Variants in CDH12 observed in about 807,000 individuals in gnomAD.
CDH12 encodes the protein cadherin 12.
In CDH12, 41 loss-of-function variants were observed where a neutral mutation model predicts 74.1. The ratio of observed to expected loss-of-function variants is 0.55; its 90% CI spans 0.43 to 0.72. CDH12 has a LOEUF of 0.72. CDH12 is among the 30% of genes least tolerant of loss of function. The pLI is 0.00. For synonymous variants in CDH12, 399 were observed against 355.0 expected (o/e 1.12, Z -1.39); for missense variants, 945 against 977.2 (o/e 0.97, Z 0.44).
Position 21,806,283 on chromosome 5 carries a change from T to A in CDH12, c.1003-3863A>T, listed in dbSNP as rs935868381. Among the ~76,000 whole-genome samples the A allele has an allele frequency of 2.3e-4, 35 of 152,158 alleles. 1 individual carries two copies. Among genetic ancestry groups the A allele is most frequent in the African/African-American group, 7.2e-4 (30 of 41,452 alleles). On this transcript the variant is annotated intron_variant, in intron 9 of 14. Transcript: ENST00000382254. ...TATCTTTTGTGGGAGAAAAATTGCATCTGTAAGGAATTCCCATTAACGTGG... is the reference window on the plus strand; with the variant it reads ...TATCTTTTGTGGGAGAAAAATTGCAACTGTAAGGAATTCCCATTAACGTGG...
chr5:22,750,965 G>C (rs1745541478), intron 1 of CDH12, among the ~76,000 whole-genome samples: 1 of 148,700 alleles, frequency 6.7e-6, no homozygotes, highest in Admixed American at 6.7e-5. Context: ...GAAAAAATGA[G>C]AACAAGGTTT....
intron 5 of CDH12, among the ~76,000 whole-genome samples, chr5:22,039,976 C>T (rs1739453970): frequency 6.7e-6 from 1 of 149,320 alleles, no homozygotes; most frequent in African/African-American, 2.5e-5. Flanking sequence ...CAGTAATAGG[C>T]CGCAAAGAAA....
At chr5:22,559,982 C>G (rs539507162) in intron 1 of CDH12, among the ~76,000 whole-genome samples, 2 of 152,074 alleles carry the variant, frequency 1.3e-5, no homozygotes, top group African/African-American at 2.4e-5. Context: ...TTAAGTGGAG[C>G]CTTTGAGATT....
chr5:22,605,181 G>A (rs966324865), intron 1 of CDH12, among the ~76,000 whole-genome samples: 17 of 152,298 alleles, frequency 1.1e-4, no homozygotes, highest in African/African-American at 3.6e-4. Flanking sequence ...CATCCATCAG[G>A]CTGGCTTTGG....
chr5:21,763,472 C>T (rs1744839077), intron 12 of CDH12, among the ~76,000 whole-genome samples: 1 of 152,150 alleles, frequency 6.6e-6, no homozygotes, highest in East Asian at 1.9e-4. Context: ...GATTAAATAA[C>T]GACTTTTTTC....
At chr5:21,820,547 T>C (rs4388177) in intron 8 of CDH12, among the ~76,000 whole-genome samples, 36,813 of 151,894 alleles carry the variant, frequency 0.24, 5,077 homozygotes, top group East Asian at 0.41. Flanking sequence ...ACAGCAGACA[T>C]ACATTTTAGT....
intron 2 of CDH12, among the ~76,000 whole-genome samples, chr5:22,504,962 T>C (rs1235129569): frequency 1.3e-5 from 2 of 151,868 alleles, no homozygotes; most frequent in Non-Finnish European, 2.9e-5. Flanking sequence ...AGGAGGAACA[T>C]AGTCATTAGA....
intron 7 of CDH12, among the ~76,000 whole-genome samples, chr5:21,853,637 CTT>C (rs1317866587): frequency 2.6e-5 from 4 of 151,594 alleles, no homozygotes; most frequent in Non-Finnish European, 5.9e-5. Flanking sequence ...TGTTAATTAA[CTT>C]ATATCTAATT....
chr5:22,661,762 G>C (rs963982080), intron 1 of CDH12, among the ~76,000 whole-genome samples: 6 of 152,104 alleles, frequency 3.9e-5, no homozygotes, highest in African/African-American at 1.4e-4. Flanking sequence ...GCCATTTACT[G>C]TAAGAAAGCT....
At chr5:22,222,668 T>G (rs1752060553) in intron 3 of CDH12, among the ~76,000 whole-genome samples, 1 of 151,858 alleles carries the variant, frequency 6.6e-6, no homozygotes, top group African/African-American at 2.4e-5. Context: ...AATTTATATC[T>G]TCATTTATAA....
chr5:22,738,492 G>A (rs535940189), intron 1 of CDH12, among the ~76,000 whole-genome samples: 3 of 152,116 alleles, frequency 2.0e-5, no homozygotes, highest in East Asian at 1.9e-4. Flanking sequence ...CAATGGTGAC[G>A]AAGAGCAAGC....
intron 6 of CDH12, among the ~76,000 whole-genome samples, chr5:21,855,085 C>G (rs1015251145): frequency 6.6e-6 from 1 of 151,666 alleles, no homozygotes; most frequent in East Asian, 1.9e-4. Flanking sequence ...CCAAAGAAAG[C>G]ATGGACACCA....
intron 2 of CDH12, among the ~76,000 whole-genome samples, chr5:22,440,718 C>T (rs1286174104): frequency 1.3e-5 from 2 of 152,060 alleles, no homozygotes; most frequent in Non-Finnish European, 2.9e-5. Flanking sequence ...ACTGGCCATT[C>T]TCACATCACC....
intron 1 of CDH12, among the ~76,000 whole-genome samples, chr5:22,643,733 C>CTT (rs762944279): frequency 0.013 from 643 of 51,206 alleles, 135 homozygotes; most frequent in East Asian, 0.075. Context: ...TTTAAGGTAT[C>CTT]TTTTTTTTTT....
chr5:22,701,569 A>G (rs1742715952), intron 1 of CDH12, among the ~76,000 whole-genome samples: 3 of 152,174 alleles, frequency 2.0e-5, no homozygotes, highest in African/African-American at 7.2e-5. Flanking sequence ...CATTCTCCCT[A>G]AGTAAGATCT....
chr5:22,553,099 G>T (rs1738648400), intron 1 of CDH12, among the ~76,000 whole-genome samples: 1 of 151,960 alleles, frequency 6.6e-6, no homozygotes, highest in Admixed American at 6.6e-5. Context: ...AGATAAATAA[G>T]GGAATGTTTT....
chr5:22,462,634 A>C (rs1436710828), intron 2 of CDH12, among the ~76,000 whole-genome samples: 3 of 152,154 alleles, frequency 2.0e-5, no homozygotes, highest in African/African-American at 7.2e-5. Context: ...GTAACATGAA[A>C]ATTGAAGTAG....
At chr5:22,098,712 T>C (rs570849841) in intron 4 of CDH12, among the ~76,000 whole-genome samples, 3 of 152,280 alleles carry the variant, frequency 2.0e-5, no homozygotes, top group South Asian at 4.2e-4. Flanking sequence ...ACATTATTCC[T>C]GATACCACAC....
intron 1 of CDH12, among the ~76,000 whole-genome samples, chr5:22,779,187 T>C (rs1747263795): frequency 1.3e-5 from 2 of 151,976 alleles, no homozygotes; most frequent in African/African-American, 4.8e-5. Context: ...CCTTCGGCAA[T>C]AGCACTTTGA....
Sources: allele counts gnomAD v4.1 joint callset (sites outside exome capture counted in the v4.1 genomes callset), GRCh38; gene constraint gnomAD v4.1.1; transcripts MANE v1.5; gene names NCBI Gene and HGNC (gene_info 2026-07-23, HGNC 2026-07-21).